The following PLCE1 variants were observed in gnomAD, a reference collection of about 807,000 sequenced individuals.
PLCE1 encodes the protein phospholipase C epsilon 1.
PLCE1 carries 119 observed loss-of-function variants against 242.8 expected under a neutral mutation model. The observed-to-expected ratio is 0.49, with a 90% CI of 0.42 to 0.57. The LOEUF is 0.57. PLCE1 is among the 20% of genes least tolerant of loss of function. The pLI, the probability that PLCE1 is intolerant of heterozygous loss-of-function variation, is 0.00. For missense variants in PLCE1, 2,441 were observed against 2,788.8 expected (o/e 0.88, Z 2.81); for synonymous variants, 945 against 1,017.4 (o/e 0.93, Z 1.35).
intron 4 of PLCE1, among the ~76,000 whole-genome samples, chr10:94,180,300 A>T (rs758642020): frequency 6.6e-6 from 1 of 152,230 alleles, no homozygotes; most frequent in Non-Finnish European, 1.5e-5. Flanking sequence ...CTATGTGCTG[A>T]CTTCCTGATA....
At chr10:94,018,529 T>TG (rs2061321587) in intron 1 of PLCE1, among the ~76,000 whole-genome samples, 2 of 152,216 alleles carry the variant, frequency 1.3e-5, no homozygotes, top group South Asian at 4.1e-4. Context: ...CTACAGACTA[T>TG]GACATTCTCT....
intron 11 of PLCE1, 151 bp downstream of exon 11, chr10:94,255,200 T>A (rs775526223): frequency 6.6e-5 from 57 of 863,618 alleles, no homozygotes; most frequent in Non-Finnish European, 9.9e-5. Context: ...TTTTAAATGA[T>A]CCTAATTCTC....
intron 2 of PLCE1, among the ~76,000 whole-genome samples, 160 bp downstream of exon 2, chr10:94,032,412 T>C (rs574608256): frequency 2.0e-5 from 3 of 152,176 alleles, no homozygotes; most frequent in African/African-American, 4.8e-5. Context: ...GATACTCCAA[T>C]TGATAGCTAT....
intron 27 of PLCE1, among the ~76,000 whole-genome samples, chr10:94,310,825 C>T (rs1477620334): frequency 6.6e-6 from 1 of 152,100 alleles, no homozygotes; most frequent in Non-Finnish European, 1.5e-5. Context: ...TAACACTATC[C>T]ATCTAGAGTT....
chr10:94,319,864 C>CTTTTTTTTTTTTTTTTT lies in PLCE1; in HGVS notation c.6343-2030_6343-2014dup, dbSNP rs58610099. On this transcript the variant is annotated intron_variant, in intron 29 of 32. Transcript: ENST00000371380. ...GCTCTGAGGGAGGCTCAAAGGTGCT[C>CTTTTTTTTTTTTTTTTT]TTTTTTTTTTTTTTTTTTTTTTTGA... 1.7e-3 allele frequency among the ~76,000 whole-genome samples: 158 copies of CTTTTTTTTTTTTTTTTT among 92,920 alleles called. 7 individuals carry two copies. Among genetic ancestry groups the CTTTTTTTTTTTTTTTTT allele is most frequent in the Middle Eastern group, 7.7e-3 (1 of 130 alleles). 61.0% of individuals were successfully genotyped at this position (92,920 alleles called of 152,430 possible).
intron 18 of PLCE1, among the ~76,000 whole-genome samples, chr10:94,271,247 T>C (rs900061875): frequency 2.6e-5 from 4 of 151,410 alleles, no homozygotes; most frequent in Non-Finnish European, 5.9e-5. Context: ...GTCAGTTGTA[T>C]GTGGAAAAGC....
chr10:94,275,847 A>T (rs976316798), intron 19 of PLCE1, among the ~76,000 whole-genome samples: 3 of 152,144 alleles, frequency 2.0e-5, no homozygotes, highest in Non-Finnish European at 4.4e-5. Context: ...AAAAAAAAAA[A>T]ATTCTTTAGC....
intron 27 of PLCE1, among the ~76,000 whole-genome samples, chr10:94,311,804 G>A (rs2077218): frequency 0.81 from 123,565 of 152,076 alleles, 50,401 homozygotes; most frequent in African/African-American, 0.88. Context: ...CTCCTCTGTG[G>A]AAAACCCTCC....
In PLCE1 at chr10:94,323,007, C is replaced by T. The variant is rs113794056; in HGVS notation, c.6501+948C>T. ...AAAATCTTGGAAATATTAATTCATT[C>T]CTTCAACAGACACTTAGTATCTACA... On this transcript the variant is annotated intron_variant, in intron 30 of 32. Coordinates refer to ENST00000371380, the MANE Select transcript of PLCE1 (RefSeq NM_016341.4). Among the ~76,000 whole-genome samples the T allele has an allele frequency of 5.3e-3, 810 of 152,224 alleles. 3 individuals carry two copies. The highest frequency in any genetic ancestry group is 0.018 in the African/African-American group (766 of 41,538).
chr10:94,265,329 A>G (rs2051474628), intron 14 of PLCE1, among the ~76,000 whole-genome samples: 1 of 152,218 alleles, frequency 6.6e-6, no homozygotes. Context: ...CACCAACTTT[A>G]TGGTAGCTGC....
At chr10:94,016,861 G>A (rs997704860) in intron 1 of PLCE1, among the ~76,000 whole-genome samples, 3 of 152,056 alleles carry the variant, frequency 2.0e-5, no homozygotes, top group Admixed American at 2.0e-4. Context: ...CGGCACTTTG[G>A]CCAAAGCTTG....
Position 94,254,187 on chromosome 10 carries a change from C to G in PLCE1, c.3280-3C>G. On this transcript the variant is annotated splice_polypyrimidine_tract_variant and splice_region_variant and intron_variant, in intron 9 of 32. Coordinates refer to ENST00000371380, the MANE Select transcript of PLCE1 (RefSeq NM_016341.4). ...GGAACCATCGTGAGCTTTGTGTTCC[C>G]AGGGTGAGAGTGGAGAGGTAACTGA... The G allele has an allele frequency of 6.2e-7, 1 of 1,603,328 alleles. No individual in the cohort carries two copies.
chr10:94,026,505 A>G (rs532345117), intron 1 of PLCE1, among the ~76,000 whole-genome samples: 86 of 152,252 alleles, frequency 5.6e-4, no homozygotes, highest in African/African-American at 2.0e-3. Context: ...TTCTTCATTC[A>G]GTGCTTTAGG....
intron 1 of PLCE1, among the ~76,000 whole-genome samples, chr10:94,026,010 G>T (rs181011395): frequency 6.6e-6 from 1 of 152,258 alleles, no homozygotes; most frequent in Non-Finnish European, 1.5e-5. Context: ...TAAATAAATA[G>T]ATGTGGCTGT....
At chr10:94,007,150 C>A (rs570897939) in intron 1 of PLCE1, among the ~76,000 whole-genome samples, 17 of 152,106 alleles carry the variant, frequency 1.1e-4, no homozygotes, top group African/African-American at 3.9e-4. Context: ...GGAAGTTAGG[C>A]AGAAGAGCTG....
chr10:94,181,728 A>T (rs989034654), intron 4 of PLCE1, among the ~76,000 whole-genome samples: 6 of 152,110 alleles, frequency 3.9e-5, no homozygotes, highest in African/African-American at 1.4e-4. Flanking sequence ...GAAGTTCAAG[A>T]CCAACATAGC....
intron 3 of PLCE1, among the ~76,000 whole-genome samples, chr10:94,132,961 A>T (rs2046652246): frequency 6.6e-6 from 1 of 152,058 alleles, no homozygotes; most frequent in South Asian, 2.1e-4. Context: ...AAAAAAAAAA[A>T]AAAAAAAAGA....
At chr10:94,257,176 C>T (rs2051129014) in intron 11 of PLCE1, among the ~76,000 whole-genome samples, 1 of 152,004 alleles carries the variant, frequency 6.6e-6, no homozygotes, top group East Asian at 1.9e-4. Flanking sequence ...AATTAATTTT[C>T]CATGAGTGAA....
At chr10:94,122,431 T>C (rs1364007572) in intron 2 of PLCE1, among the ~76,000 whole-genome samples, 1 of 152,224 alleles carries the variant, frequency 6.6e-6, no homozygotes, top group African/African-American at 2.4e-5. Context: ...TTCATCCATA[T>C]GGTAATTACC....
Sources: gnomAD v4.1 joint callset for allele counts (sites outside exome capture counted in the v4.1 genomes callset) on GRCh38, gnomAD v4.1.1 for gene constraint, MANE v1.5 for transcripts, NCBI Gene and HGNC (gene_info 2026-07-23, HGNC 2026-07-21) for gene names.